USP13: variants seen among roughly 807,000 people sequenced by gnomAD.
USP13 encodes ubiquitin carboxyl-terminal hydrolase 13.
In USP13, 68 loss-of-function variants were observed where a neutral mutation model predicts 107.8. The ratio of observed to expected loss-of-function variants is 0.63; its 90% CI spans 0.52 to 0.77. The LOEUF (loss-of-function observed/expected upper bound fraction) is 0.77. Among genes scored for constraint, USP13 ranks in the 30% least tolerant of loss-of-function variants. The pLI is 0.00. For synonymous variants in USP13, 377 were observed against 389.5 expected, an observed-to-expected ratio of 0.97 and a Z score of 0.38; for missense variants, 945 against 1,093.3, an observed-to-expected ratio of 0.86 and a Z score of 1.91.
intron 2 of USP13, among the ~76,000 whole-genome samples, chr3:179,686,234 T>C (rs1711869167): frequency 6.6e-6 from 1 of 152,186 alleles, no homozygotes; most frequent in African/African-American, 2.4e-5. Context: ...TATCTTGACT[T>C]GTACTTTGCA....
intron 1 of USP13, among the ~76,000 whole-genome samples, chr3:179,677,776 T>C (rs1711520871): frequency 6.6e-6 from 1 of 152,140 alleles, no homozygotes; most frequent in Non-Finnish European, 1.5e-5. Context: ...ATTTCTTGGT[T>C]CTTCTACTAG....
Position 179,680,855 on chromosome 3 carries a change from T to G in USP13, c.169-1023T>G, listed in dbSNP as rs1711630998. ...CGTGCCCGGCGCTACATTGTTATAG[T>G]TTATTCATGAATACTGTCAAATATC... On this transcript the variant is annotated intron_variant, in intron 1 of 20. Transcript: ENST00000263966. 1.4e-5 allele frequency among the ~76,000 whole-genome samples: 2 copies of G among 144,166 alleles called. 1 individual carries two copies. The highest frequency in any genetic ancestry group is 3.1e-5 in the Non-Finnish European group (2 of 65,068). 94.6% of individuals were successfully genotyped at this position (144,166 alleles called of 152,430 possible).
At chr3:179,673,019 G>T (rs958711840) in intron 1 of USP13, among the ~76,000 whole-genome samples, 9 of 152,192 alleles carry the variant, frequency 5.9e-5, no homozygotes, top group African/African-American at 2.2e-4. Flanking sequence ...AGAACCATGT[G>T]AGACTGGCTT....
chr3:179,714,937 C>CA (rs1192838250), intron 6 of USP13, among the ~76,000 whole-genome samples: 1 of 146,156 alleles, frequency 6.8e-6, no homozygotes, highest in Non-Finnish European at 1.5e-5. Flanking sequence ...GTGGTGGAAT[C>CA]ATGGCTTACT....
rs1040478792 is a variant in USP13 at position 179,694,271 on chromosome 3, G to T, written c.355+3970G>T. Among the ~76,000 whole-genome samples, 3 of 152,220 alleles carry T rather than the reference G, an allele frequency of 2.0e-5. No individual in the cohort carries two copies. The South Asian group carries it at 6.2e-4, about 32-fold the overall frequency. ...ATTACAGATGTGAGCCACTGTGCCC[G>T]GCCGATTCTGGTAACTTTAAACAAG... On this transcript the variant is annotated intron_variant, in intron 3 of 20. Coordinates refer to ENST00000263966, the MANE Select transcript of USP13 (RefSeq NM_003940.3).
chr3:179,746,198 T>G (rs1220875589), intron 13 of USP13, among the ~76,000 whole-genome samples: 1 of 146,930 alleles, frequency 6.8e-6, no homozygotes, highest in Non-Finnish European at 1.5e-5. Flanking sequence ...TATATAAAAT[T>G]TTATATATAA....
chr3:179,772,528 C>A (rs1192576938), intron 19 of USP13, among the ~76,000 whole-genome samples: 1 of 152,138 alleles, frequency 6.6e-6, no homozygotes, highest in Non-Finnish European at 1.5e-5. Flanking sequence ...AGGAATGCCA[C>A]CCAGAAGAGG....
intron 10 of USP13, among the ~76,000 whole-genome samples, chr3:179,732,540 T>G (rs2108505903): frequency 6.6e-6 from 1 of 152,230 alleles, no homozygotes; most frequent in South Asian, 2.1e-4. Flanking sequence ...ACCATTCAAG[T>G]GGCAGAATTG....
chr3:179,716,099 T>G (rs1358679911), intron 6 of USP13, among the ~76,000 whole-genome samples: 2 of 152,174 alleles, frequency 1.3e-5, no homozygotes, highest in Admixed American at 6.5e-5. Context: ...TAATTCTGTA[T>G]TTTTAGTAGA....
At chr3:179,699,780 T>C (rs1189583388) in intron 3 of USP13, among the ~76,000 whole-genome samples, 2 of 149,982 alleles carry the variant, frequency 1.3e-5, no homozygotes, top group Admixed American at 1.3e-4. Context: ...TATTTATTTA[T>C]TTATTTATTT....
intron 4 of USP13, 23 bp from the exon 5 acceptor site, chr3:179,706,911 T>G: frequency 6.3e-7 from 1 of 1,593,878 alleles, no homozygotes; most frequent in Non-Finnish European, 8.5e-7. Flanking sequence ...TTTTTATATA[T>G]TACATCTGGG....
At chr3:179,737,413 A>T (rs558648426) in intron 10 of USP13, among the ~76,000 whole-genome samples, 7 of 152,334 alleles carry the variant, frequency 4.6e-5, no homozygotes, top group African/African-American at 1.4e-4. Context: ...CTGAGATTTT[A>T]TAGCTCTCAG....
rs909403534 is a variant in USP13 at position 179,702,043 on chromosome 3, G to A, written c.477+914G>A. On this transcript the variant is annotated intron_variant, in intron 4 of 20. Coordinates refer to ENST00000263966, the MANE Select transcript of USP13 (RefSeq NM_003940.3). ...CTTTGTTTTTTTTCTTTTTTGAGAC[G>A]GAGTCTCGCTCTGTTGCCCAGGCTG... is the stretch of plus-strand genomic sequence containing the variant. Among the ~76,000 whole-genome samples the A allele has an allele frequency of 4.0e-5, 6 of 151,254 alleles. No homozygotes were observed. The East Asian group carries it at 5.8e-4, about 15-fold the overall frequency.
rs201751513 is a variant in USP13, at chr3:179,720,018, T to C, written c.884T>C (p.Met295Thr). ...CACTTAGCGCATTTTGGAATTGATA[T>C]GCTTCATATGCATGGGGTGAGGTCT... ...AKHLAHFGID[M>T]LHMHGTENGL... The change falls in exon 7 of 21, where the codon ATG becomes ACG. Residue 295 changes from methionine to threonine, a missense_variant. Met to Thr is a moderately conservative substitution (Grantham distance 81). Transcript: ENST00000263966. 14 of 1,613,996 alleles carry C rather than the reference T, an allele frequency of 8.7e-6. No individual in the cohort carries two copies. The Admixed American group carries it at 1.8e-4, about 21-fold the overall frequency.
In USP13 at chr3:179,758,098, C is replaced by T. The variant is rs527457507; in HGVS notation, c.1948+1020C>T. Reference sequence around the variant, plus strand: ...CAACTCTACTTTTTATAAAAAAGGTCCCATATCATGGTAGGAAGGGCAAAG... The same window carrying T: ...CAACTCTACTTTTTATAAAAAAGGTTCCATATCATGGTAGGAAGGGCAAAG... On this transcript the variant is annotated intron_variant, in intron 16 of 20. Coordinates refer to ENST00000263966, the MANE Select transcript of USP13 (RefSeq NM_003940.3). Among the ~76,000 whole-genome samples, 540 of 152,170 alleles carry T rather than the reference C, an allele frequency of 3.5e-3. 4 individuals carry two copies. The highest frequency in any genetic ancestry group is 0.022 in the South Asian group (106 of 4,812).
chr3:179,658,505 G>C (rs945018917), intron 1 of USP13, among the ~76,000 whole-genome samples: 1 of 152,176 alleles, frequency 6.6e-6, no homozygotes. Flanking sequence ...AACTGAAAAC[G>C]GGGAGGCTTA....
At chr3:179,747,742 G>A (rs1031627342) in intron 13 of USP13, among the ~76,000 whole-genome samples, 20 of 152,140 alleles carry the variant, frequency 1.3e-4, no homozygotes, top group African/African-American at 4.3e-4. Flanking sequence ...CAAAGTCACC[G>A]CCCAGTGATT....
At chr3:179,712,445 T>C (rs918688835) in intron 6 of USP13, among the ~76,000 whole-genome samples, 2 of 151,864 alleles carry the variant, frequency 1.3e-5, no homozygotes, top group African/African-American at 4.8e-5. Flanking sequence ...GTCTTTTCTC[T>C]TTTTTTTAAA....
intron 2 of USP13, among the ~76,000 whole-genome samples, chr3:179,685,333 G>A (rs1576924162): frequency 6.6e-6 from 1 of 151,858 alleles, no homozygotes; most frequent in East Asian, 1.9e-4. Flanking sequence ...AATAGTTTGT[G>A]CACGATTTTG....
Sources: gnomAD v4.1 joint callset for allele counts (sites outside exome capture counted in the v4.1 genomes callset) on GRCh38, gnomAD v4.1.1 for gene constraint, MANE v1.5 for transcripts, NCBI Gene and HGNC (gene_info 2026-07-23, HGNC 2026-07-21) for gene names.